Variants in KAZN observed in about 807,000 individuals in gnomAD.
The protein encoded by KAZN is kazrin.
Under a neutral mutation model 87.4 loss-of-function variants are expected in KAZN, and 40 were observed. The ratio of observed to expected loss-of-function variants is 0.46; its 90% CI spans 0.36 to 0.60. The LOEUF (loss-of-function observed/expected upper bound fraction) is 0.60. Ranked by LOEUF, KAZN falls within the 20% of genes least tolerant of loss-of-function variation. KAZN has a pLI of 0.00. For synonymous variants in KAZN, 466 were observed against 458.3 expected, an observed-to-expected ratio of 1.02 and a Z score of -0.22; for missense variants, 898 against 1,073.9, an observed-to-expected ratio of 0.84 and a Z score of 2.29.
chr1:14,943,022 G>A lies in KAZN; in HGVS notation c.227-17662G>A, dbSNP rs1332768727. Among the ~76,000 whole-genome samples the A allele has an allele frequency of 4.4e-4, 54 of 121,692 alleles. 1 individual carries two copies. The highest frequency in any genetic ancestry group is 1.6e-3 in the African/African-American group (53 of 33,094). 79.8% of individuals were successfully genotyped at this position (121,692 alleles called of 152,430 possible). ...GTGTGTGTGTGGTGTGTGTGTGTGT[G>A]TGTGTGTGTGTGTGTGTGTGTGTGT... On this transcript the variant is annotated intron_variant, in intron 1 of 14. Transcript: ENST00000376030.
At chr1:14,616,030 G>C (rs1678211521) in intron 1 of KAZN, among the ~76,000 whole-genome samples, 1 of 152,158 alleles carries the variant, frequency 6.6e-6, no homozygotes, top group Non-Finnish European at 1.5e-5. Flanking sequence ...TGAAAGCTGG[G>C]GTGGAGAGAA....
intron 1 of KAZN, among the ~76,000 whole-genome samples, chr1:14,918,878 C>G (rs1658195275): frequency 6.6e-6 from 1 of 151,544 alleles, no homozygotes; most frequent in African/African-American, 2.4e-5. Flanking sequence ...TTAAGAGACC[C>G]TGAACTGGAA....
chr1:14,414,000 C>T (rs985647754), intron 2 of KAZN, among the ~76,000 whole-genome samples: 10 of 152,088 alleles, frequency 6.6e-5, no homozygotes, highest in Admixed American at 1.3e-4. Context: ...CTTTTCATTC[C>T]GATCATGCCT....
chr1:14,888,662 T>C (rs1256479278), intron 1 of KAZN, among the ~76,000 whole-genome samples: 1 of 152,132 alleles, frequency 6.6e-6, no homozygotes, highest in East Asian at 1.9e-4. Context: ...GAAATCCGTG[T>C]TGTGATAGAG....
chr1:14,352,517 A>G (rs1444887478), intron 2 of KAZN, among the ~76,000 whole-genome samples: 1 of 152,234 alleles, frequency 6.6e-6, no homozygotes, highest in Non-Finnish European at 1.5e-5. Flanking sequence ...TTCTACTACT[A>G]ATAAAACCCA....
chr1:14,259,238 T>C (rs1220714302), intron 2 of KAZN, among the ~76,000 whole-genome samples: 2 of 152,032 alleles, frequency 1.3e-5, no homozygotes, highest in Admixed American at 1.3e-4. Flanking sequence ...CGTGTGCAAC[T>C]CCACTGGGAC....
At chr1:14,800,046 C>T (rs1197262755) in intron 1 of KAZN, among the ~76,000 whole-genome samples, 1 of 152,074 alleles carries the variant, frequency 6.6e-6, no homozygotes, top group Non-Finnish European at 1.5e-5. Context: ...CGTGGGGACT[C>T]AAGGCTTGGA....
intron 2 of KAZN, among the ~76,000 whole-genome samples, chr1:14,193,104 TC>T (rs1170735986): frequency 3.3e-5 from 5 of 152,120 alleles, no homozygotes; most frequent in Admixed American, 2.0e-4. Context: ...AAGGCGTTCT[TC>T]CCCCTGTACT....
At chr1:14,131,218 T>G (rs1268555084) in intron 1 of KAZN, among the ~76,000 whole-genome samples, 1 of 152,192 alleles carries the variant, frequency 6.6e-6, no homozygotes, top group Non-Finnish European at 1.5e-5. Flanking sequence ...TCCCATGATT[T>G]AATTACCTCC....
rs551594878 is a variant in KAZN at position 14,824,823 on chromosome 1, A to G, written c.227-135861A>G. 1.1e-4 allele frequency among the ~76,000 whole-genome samples: 17 copies of G among 152,218 alleles called. No individual in the cohort carries two copies. In the South Asian group the frequency reaches 3.3e-3, roughly 30 times the overall value. ...TCTGGTTCTCTGTGTTGACTTCCTG[A>G]CACTTGGTGGCAGAGAATTCCTTGG... On this transcript the variant is annotated intron_variant, in intron 1 of 14. Transcript: ENST00000376030.
chr1:14,173,232 ACAAGCAT>A (rs1645994248), intron 1 of KAZN, among the ~76,000 whole-genome samples: 1 of 152,238 alleles, frequency 6.6e-6, no homozygotes, highest in African/African-American at 2.4e-5. Context: ...AAGAAAGAGT[ACAAGCAT>A]CTTTATAGTA....
chr1:14,335,234 G>A (rs906401631), intron 2 of KAZN, among the ~76,000 whole-genome samples: 24 of 145,814 alleles, frequency 1.6e-4, no homozygotes, highest in African/African-American at 5.9e-4. Context: ...ATGGAGTCTC[G>A]CTCTGTCACC....
Position 14,605,456 on chromosome 1 carries a change from C to T in KAZN, c.226+6233C>T, listed in dbSNP as rs138092911. Among the ~76,000 whole-genome samples the T allele has an allele frequency of 8.0e-4, 121 of 152,192 alleles. 2 individuals carry two copies. Among genetic ancestry groups the T allele is most frequent in the Admixed American group, 1.5e-3 (23 of 15,280 alleles). ...CTATTGACCGGAAGCCTTATGATAA[C>T]GTAAACATAGCATAATATAAACAGT... On this transcript the variant is annotated intron_variant, in intron 1 of 14. Transcript: ENST00000376030.
chr1:14,315,878 G>T (rs1655621026), intron 2 of KAZN, among the ~76,000 whole-genome samples: 1 of 151,088 alleles, frequency 6.6e-6, no homozygotes, highest in Non-Finnish European at 1.5e-5. Flanking sequence ...ACAAGTCTTT[G>T]TATGAACATT....
At chr1:14,478,274 A>G (rs12562519) in intron 2 of KAZN, among the ~76,000 whole-genome samples, 16,777 of 111,218 alleles carry the variant, frequency 0.15, 1,159 homozygotes, top group Non-Finnish European at 0.2. Context: ...AGGAAGGAAG[A>G]AAGGAAGGAA....
At chr1:13,915,544 C>T (rs1411368385) in intron 1 of KAZN, among the ~76,000 whole-genome samples, 1 of 152,208 alleles carries the variant, frequency 6.6e-6, no homozygotes, top group Non-Finnish European at 1.5e-5. Context: ...CAATTTCCTC[C>T]TCCTTCTCTG....
At position 14,433,889 on chromosome 1, in the gene KAZN, G is replaced by A. The variant is rs147773676; in HGVS notation, c.250-165094G>A. Among the ~76,000 whole-genome samples, 62 of 152,290 alleles carry A rather than the reference G, an allele frequency of 4.1e-4. 1 individual carries two copies. Among genetic ancestry groups the A allele is most frequent in the East Asian group, 2.3e-3 (12 of 5,172 alleles). ...ACAAAAAAAAAGGAGACAGTGAAGC[G>A]TTCTCTCTCTTCCTCTGGATGTGCA... On this transcript the variant is annotated intron_variant, in intron 2 of 16. Transcript: ENST00000636203.
intron 2 of KAZN, among the ~76,000 whole-genome samples, chr1:14,428,714 C>A (rs1361940261): frequency 1.3e-5 from 2 of 152,000 alleles, no homozygotes; most frequent in African/African-American, 4.8e-5. Flanking sequence ...GAATGAGAAC[C>A]AAGCTAAGAG....
At chr1:14,545,167 T>C (rs1341471221) in intron 2 of KAZN, among the ~76,000 whole-genome samples, 1 of 152,220 alleles carries the variant, frequency 6.6e-6, no homozygotes, top group Non-Finnish European at 1.5e-5. Flanking sequence ...GCTCAAGATG[T>C]TCCTCCTGGG....
Sources: allele counts gnomAD v4.1 joint callset (sites outside exome capture counted in the v4.1 genomes callset), GRCh38; gene constraint gnomAD v4.1.1; transcripts MANE v1.5; gene names NCBI Gene and HGNC (gene_info 2026-07-23, HGNC 2026-07-21).